KIF1B: variants seen among roughly 807,000 people sequenced by gnomAD.
The protein encoded by KIF1B is kinesin family member 1B.
In KIF1B, 76 loss-of-function variants were observed where a neutral mutation model predicts 241.9. The observed-to-expected ratio is 0.31, with a 90% CI of 0.26 to 0.38. KIF1B has a LOEUF of 0.38. KIF1B is among the 10% of genes least tolerant of loss of function. The pLI is 1.00. For synonymous variants in KIF1B, 750 were observed against 796.7 expected (o/e 0.94, Z 0.99); for missense variants, 1,622 against 2,271.4 (o/e 0.71, Z 5.81).
intron 22 of KIF1B, chr1:10,306,838 C>G (rs1650855995): frequency 1.9e-6 from 2 of 1,027,668 alleles, no homozygotes; most frequent in Non-Finnish European, 2.3e-6. Context: ...AATGGGCTCT[C>G]ATTTCCCTAA....
intron 6 of KIF1B, 30 bp downstream of exon 6, chr1:10,267,588 G>A: frequency 6.2e-7 from 1 of 1,610,054 alleles, no homozygotes; most frequent in Non-Finnish European, 8.5e-7. Flanking sequence ...AATGACTGAG[G>A]TCTTTGGCAC....
chr1:10,321,931 T>G (rs1258276322), intron 24 of KIF1B, 74 bp downstream of exon 24: 32 of 1,542,246 alleles, frequency 2.1e-5, no homozygotes, highest in Non-Finnish European at 2.1e-5. Context: ...GTTCTCACCT[T>G]GAATTAACCT....
At position 10,239,594 on chromosome 1, in the gene KIF1B, T is replaced by A. The variant is rs182636978; in HGVS notation, c.106+7160T>A. On this transcript the variant is annotated intron_variant, in intron 2 of 48. Transcript: ENST00000676179. ...GATATTGAACCGTTTTCATTTTTAT[T>A]TTTTATTTTATTTTATTATTATTAT... Among the ~76,000 whole-genome samples, 430 of 152,062 alleles carry A rather than the reference T, an allele frequency of 2.8e-3. 2 individuals are homozygous for A. The highest frequency in any genetic ancestry group is 0.012 in the South Asian group (57 of 4,812).
At chr1:10,297,913 AGTCT>A (rs1316913558) in intron 22 of KIF1B, among the ~76,000 whole-genome samples, 2 of 152,072 alleles carry the variant, frequency 1.3e-5, no homozygotes, top group African/African-American at 2.4e-5. Context: ...GCAGCTGGAA[AGTCT>A]GTTTAAGGTC....
chr1:10,273,543 C>T (rs1170792404), intron 10 of KIF1B, among the ~76,000 whole-genome samples: 2 of 151,906 alleles, frequency 1.3e-5, no homozygotes, highest in Non-Finnish European at 2.9e-5. Context: ...TTAATTCTCC[C>T]TTGAGGTCTG....
chr1:10,296,967 A>G lies in KIF1B; in HGVS notation c.1932A>G (p.Arg644=), dbSNP rs928427211. ...FNHPEQARAE[R]EKTPSAETPS... ...ACCCGGAACAAGCACGAGCTGAGCG[A>G]GAGAAGACTCCTTCTGCTGAGACCC... Residue 644 remains arginine (R), a synonymous_variant, in exon 21 of 49, where the codon CGA becomes CGG. Coordinates refer to ENST00000676179, the MANE Select transcript of KIF1B (RefSeq NM_001365951.3). 3.1e-6 allele frequency: 5 copies of G among 1,614,000 alleles called. No homozygotes were observed. In the African/African-American group the frequency reaches 6.7e-5, roughly 22 times the overall value.
At chr1:10,287,870 AT>A (rs1467454425) in intron 15 of KIF1B, among the ~76,000 whole-genome samples, 4 of 152,248 alleles carry the variant, frequency 2.6e-5, no homozygotes, top group Non-Finnish European at 5.9e-5. Context: ...TATTTTTAAA[AT>A]ATCTCATATG....
chr1:10,295,751 A>C lies in KIF1B; in HGVS notation c.1762A>C (p.Ser588Arg). ...GCATTGTATCTTCCGGAGTGAGAGA[A>C]GCAACAGCGGGGAAGGTGAGCATTC... The part of the protein sequence containing the change: ...EEHCIFRSER[S>R]NSGEVIVTLE... The change falls in exon 19 of 49, where the codon AGC (serine) becomes CGC (arginine). Residue 588 changes from serine to arginine, a missense_variant. By Grantham distance (110) the Ser-to-Arg change is moderately radical (BLOSUM62 -1). Transcript: ENST00000676179. 6.2e-7 allele frequency: 1 copy of C among 1,613,638 alleles called. No homozygotes were observed. The highest frequency in any genetic ancestry group is 8.5e-7 in the Non-Finnish European group (1 of 1,179,748).
rs985145560 is a variant in KIF1B, at chr1:10,349,016, T to TG, written c.3949+284dup. Among the ~76,000 whole-genome samples the TG allele has an allele frequency of 2.6e-5, 4 of 152,222 alleles. No individual in the cohort carries two copies. In the South Asian group the frequency reaches 6.2e-4, roughly 24 times the overall value. On this transcript the variant is annotated intron_variant, in intron 37 of 48. Coordinates refer to ENST00000676179, the MANE Select transcript of KIF1B (RefSeq NM_001365951.3). ...TATTCGGAAACACAGACTATGGAGA[T>TG]GCAGAGGCCTTGAGTTTGAAACTCT... is the stretch of plus-strand genomic sequence containing the variant.
chr1:10,350,559 A>C (rs1291780273), intron 37 of KIF1B, among the ~76,000 whole-genome samples: 1 of 152,100 alleles, frequency 6.6e-6, no homozygotes, highest in Non-Finnish European at 1.5e-5. Flanking sequence ...ACTCCATCTC[A>C]AAAAAATATA....
chr1:10,336,622 CA>C lies in KIF1B; in HGVS notation c.3044-34del, dbSNP rs779135361. The C allele has an allele frequency of 3.2e-6, 5 of 1,538,654 alleles. No individual in the cohort carries two copies. In the African/African-American group the frequency reaches 6.8e-5, roughly 21 times the overall value. Reference sequence around the variant, plus strand: ...TTCCCTCCCTCCCCCTGTGTAGTCTCACTCAATTCTTGCTAATTTTTTTTTC... The same window carrying C: ...TTCCCTCCCTCCCCCTGTGTAGTCTCCTCAATTCTTGCTAATTTTTTTTTC... On this transcript the variant is annotated intron_variant, in intron 28 of 48. Transcript: ENST00000676179.
chr1:10,297,157 T>C lies in KIF1B; in HGVS notation c.2043-17T>C. ...CTAATAGCATTCTTGAATTTTTTTT[T>C]TTTTTTTTACTTCTAGGCTACAGGA... On this transcript the variant is annotated splice_polypyrimidine_tract_variant and intron_variant, in intron 21 of 48. Coordinates refer to ENST00000676179, the MANE Select transcript of KIF1B (RefSeq NM_001365951.3). 6.2e-7 allele frequency: 1 copy of C among 1,613,172 alleles called. No homozygotes were observed. The highest frequency in any genetic ancestry group is 1.1e-5 in the South Asian group (1 of 91,014).
intron 19 of KIF1B, 102 bp from the exon 20 acceptor site, chr1:10,296,480 G>A (rs1171652063): frequency 5.2e-6 from 5 of 956,396 alleles, no homozygotes; most frequent in Non-Finnish European, 8.2e-6. Context: ...TTGATTGCAG[G>A]GATTTATTCT....
intron 15 of KIF1B, among the ~76,000 whole-genome samples, chr1:10,290,857 C>T (rs1296191134): frequency 1.3e-5 from 2 of 149,654 alleles, no homozygotes; most frequent in African/African-American, 2.5e-5. Context: ...AGGAAGACTC[C>T]GTCTCAAAAA....
At chr1:10,289,605 G>A (rs1649885177) in intron 15 of KIF1B, among the ~76,000 whole-genome samples, 1 of 152,058 alleles carries the variant, frequency 6.6e-6, no homozygotes, top group Admixed American at 6.6e-5. Context: ...ATATCATGGC[G>A]GGGCACGGTG....
intron 39 of KIF1B, 55 bp downstream of exon 39, chr1:10,361,098 A>G: frequency 9.0e-7 from 1 of 1,108,988 alleles, no homozygotes; most frequent in East Asian, 2.3e-5. Flanking sequence ...AACAGTGTGC[A>G]GGTTACAGCA....
chr1:10,341,921 G>C (rs1195642464), intron 32 of KIF1B, 129 bp from the exon 33 acceptor site: 1 of 714,396 alleles, frequency 1.4e-6, no homozygotes, highest in Admixed American at 2.1e-5. Flanking sequence ...CATGAGCCTT[G>C]TTTGCGTGCT....
At chr1:10,371,680 C>T (rs1295477448) in intron 45 of KIF1B, among the ~76,000 whole-genome samples, 1 of 152,202 alleles carries the variant, frequency 6.6e-6, no homozygotes, top group Non-Finnish European at 1.5e-5. Context: ...TGAGGTGGCT[C>T]CCAGCACTTT....
At chr1:10,289,306 T>C (rs543695664) in intron 15 of KIF1B, among the ~76,000 whole-genome samples, 1 of 152,302 alleles carries the variant, frequency 6.6e-6, no homozygotes, top group Admixed American at 6.5e-5. Context: ...TGTTCTCTTA[T>C]CTCCTACTGT....
Sources: gnomAD v4.1 joint callset for allele counts (sites outside exome capture counted in the v4.1 genomes callset) on GRCh38, gnomAD v4.1.1 for gene constraint, MANE v1.5 for transcripts, NCBI Gene and HGNC (gene_info 2026-07-23, HGNC 2026-07-21) for gene names.